Variants in RANBP2 observed in about 807,000 individuals in gnomAD.
The protein encoded by RANBP2 is RAN binding protein 2, also known as E3 SUMO-protein ligase RanBP2.
RANBP2 carries 57 observed loss-of-function variants against 303.6 expected under a neutral mutation model. The observed-to-expected ratio is 0.19, with a 90% CI of 0.15 to 0.23. The LOEUF is 0.23. Ranked by LOEUF, RANBP2 falls within the 10% of genes least tolerant of loss-of-function variation. The pLI is 1.00. For synonymous variants in RANBP2, 1,167 were observed against 1,301.5 expected (o/e 0.90, Z 2.23); for missense variants, 3,138 against 3,780.8 (o/e 0.83, Z 4.46).
chr2:109,471,007 G>A, the RANBP2 span, among the ~76,000 whole-genome samples: 5 of 152,002 alleles, frequency 3.3e-5, no homozygotes, highest in African/African-American at 9.7e-5. Flanking sequence ...ATCACTTGAG[G>A]TCAGGAGTTC....
the RANBP2 span, chr2:109,437,124 A>G: frequency 6.2e-7 from 1 of 1,612,140 alleles, no homozygotes; most frequent in South Asian, 1.1e-5. Flanking sequence ...CGGCCAGCCA[A>G]GCCCGGAGCA....
At chr2:108,811,779 T>C in the RANBP2 span, among the ~76,000 whole-genome samples, 7 of 152,252 alleles carry the variant, frequency 4.6e-5, no homozygotes, top group South Asian at 1.5e-3. Flanking sequence ...CTCTTCCCTT[T>C]TGTAGTCCCT....
chr2:109,347,555 C>G, the RANBP2 span: 7 of 1,369,764 alleles, frequency 5.1e-6, no homozygotes, highest in South Asian at 1.5e-5. Flanking sequence ...GCGGGGCACT[C>G]TGTATGCACC....
the RANBP2 span, among the ~76,000 whole-genome samples, chr2:109,509,257 C>G: frequency 6.6e-6 from 1 of 152,208 alleles, no homozygotes; most frequent in Non-Finnish European, 1.5e-5. Flanking sequence ...GCCCAGCCGC[C>G]TGTCAGATTA....
chr2:109,130,773 T>C, the RANBP2 span, among the ~76,000 whole-genome samples: 6 of 152,276 alleles, frequency 3.9e-5, no homozygotes, highest in African/African-American at 1.4e-4. Flanking sequence ...ATATTTATTA[T>C]TATTATTTTT....
At chr2:108,744,472 G>C (rs1696357100) in intron 7 of RANBP2, among the ~76,000 whole-genome samples, 1 of 151,994 alleles carries the variant, frequency 6.6e-6, no homozygotes, top group Non-Finnish European at 1.5e-5. Flanking sequence ...TAATTAACTG[G>C]TCACAGATTC....
the RANBP2 span, among the ~76,000 whole-genome samples, chr2:109,336,827 G>A: frequency 6.6e-6 from 1 of 152,148 alleles, no homozygotes; most frequent in Non-Finnish European, 1.5e-5. Context: ...GGGTGCCGAG[G>A]GACCCTCTCC....
the RANBP2 span, among the ~76,000 whole-genome samples, chr2:108,847,457 G>A: frequency 1.3e-5 from 2 of 152,144 alleles, no homozygotes; most frequent in Non-Finnish European, 2.9e-5. Context: ...TTCAGTGCTT[G>A]CACTAGCTTG....
chr2:108,802,902 C>T, the RANBP2 span, among the ~76,000 whole-genome samples: 1 of 152,130 alleles, frequency 6.6e-6, no homozygotes, highest in Non-Finnish European at 1.5e-5. Flanking sequence ...TGGTTTTTGT[C>T]TTTGGCTCTG....
At chr2:108,954,379 CA>C in the RANBP2 span, among the ~76,000 whole-genome samples, 1 of 152,160 alleles carries the variant, frequency 6.6e-6, no homozygotes, top group Admixed American at 6.6e-5. Context: ...AAAGGAATTT[CA>C]CAGACATTCT....
chr2:109,206,445 C>T, the RANBP2 span, among the ~76,000 whole-genome samples: 1 of 134,300 alleles, frequency 7.4e-6, no homozygotes, highest in South Asian at 2.5e-4. Flanking sequence ...TAACCAACAT[C>T]GTGCCACCGC....
chr2:109,069,480 G>A, the RANBP2 span, among the ~76,000 whole-genome samples: 1 of 152,246 alleles, frequency 6.6e-6, no homozygotes, highest in African/African-American at 2.4e-5. Context: ...TCCAGGGAGT[G>A]CCTTCCGCCC....
the RANBP2 span, among the ~76,000 whole-genome samples, chr2:109,499,922 G>A: frequency 6.6e-6 from 1 of 152,156 alleles, no homozygotes; most frequent in African/African-American, 2.4e-5. Flanking sequence ...CAAGTGACTG[G>A]GGGTTTCCAA....
chr2:109,078,247 G>GTGTA, the RANBP2 span, among the ~76,000 whole-genome samples: 5 of 56,406 alleles, frequency 8.9e-5, no homozygotes, highest in East Asian at 9.2e-4. Flanking sequence ...TATATAGCGT[G>GTGTA]TATATATATA....
the RANBP2 span, among the ~76,000 whole-genome samples, chr2:109,296,524 G>A: frequency 3.3e-5 from 5 of 152,110 alleles, no homozygotes; most frequent in Non-Finnish European, 5.9e-5. Flanking sequence ...TTACAGGTGT[G>A]AGCCTCTGTG....
intron 7 of RANBP2, among the ~76,000 whole-genome samples, chr2:108,746,370 C>T (rs1353658165): frequency 4.0e-5 from 6 of 151,568 alleles, no homozygotes; most frequent in Admixed American, 6.6e-5. Flanking sequence ...TGTGCCACCA[C>T]GCCTGGCTCT....
the RANBP2 span, among the ~76,000 whole-genome samples, chr2:109,239,843 C>G: frequency 6.6e-6 from 1 of 152,196 alleles, no homozygotes. Context: ...CAGCAACTTA[C>G]AGAATTTCCG....
At chr2:109,191,124 A>G in the RANBP2 span, among the ~76,000 whole-genome samples, 1 of 152,134 alleles carries the variant, frequency 6.6e-6, no homozygotes, top group African/African-American at 2.4e-5. Context: ...AGAGATCCAG[A>G]GGGACAGATT....
At chr2:109,225,863 T>G in the RANBP2 span, among the ~76,000 whole-genome samples, 3 of 152,210 alleles carry the variant, frequency 2.0e-5, no homozygotes, top group Non-Finnish European at 4.4e-5. Flanking sequence ...CCTCCTGGGA[T>G]GAAGTGATCC....
Sources: gnomAD v4.1 joint callset for allele counts (sites outside exome capture counted in the v4.1 genomes callset) on GRCh38, gnomAD v4.1.1 for gene constraint, MANE v1.5 for transcripts, NCBI Gene and HGNC (gene_info 2026-07-23, HGNC 2026-07-21) for gene names.